The following FGFR2 variants were observed in gnomAD, a reference collection of about 807,000 sequenced individuals.
FGFR2 encodes the protein fibroblast growth factor receptor 2.
A neutral mutation model predicts 95.9 loss-of-function variants in FGFR2; 19 were observed. The observed-to-expected ratio is 0.20, with a 90% CI of 0.14 to 0.29. The LOEUF (loss-of-function observed/expected upper bound fraction) is 0.29, where lower values mean the gene tolerates loss of function less well. FGFR2 is among the 10% of genes least tolerant of loss of function. FGFR2 has a pLI of 1.00. For missense variants in FGFR2, 707 were observed against 1,056.9 expected (o/e 0.67, Z 4.59); for synonymous variants, 392 against 393.3 (o/e 1.00, Z 0.04).
chr10:121,529,019 C>T lies in FGFR2; in HGVS notation c.749-8850G>A, dbSNP rs1044456941. On this transcript the variant is annotated intron_variant, in intron 6 of 17. Transcript: ENST00000358487. ...TCAGCTCACTGGAACCTCTGCCTCC[C>T]GGGTACAAGCAATTCTCCTGCCTCA... is the stretch of plus-strand genomic sequence containing the variant. Among the ~76,000 whole-genome samples the T allele has an allele frequency of 2.0e-5, 3 of 152,176 alleles. No homozygotes were observed. In the East Asian group the frequency reaches 5.8e-4, roughly 29 times the overall value.
intron 2 of FGFR2, among the ~76,000 whole-genome samples, chr10:121,577,178 T>TATATATATATATATAGAGAGAGAG: frequency 3.8e-4 from 2 of 5,212 alleles, no homozygotes; most frequent in African/African-American, 1.6e-3. Context: ...TATATATATA[T>TATATATATATATATAGAGAGAGAG]AGAGAGAGAG....
intron 7 of FGFR2, 128 bp downstream of exon 7, chr10:121,519,851 A>T: frequency 1.2e-6 from 1 of 833,044 alleles, no homozygotes; most frequent in Non-Finnish European, 2.0e-6. Flanking sequence ...TCCTTAGAAC[A>T]CTCTCTGCTG....
chr10:121,489,843 T>C (rs755716353), intron 13 of FGFR2, among the ~76,000 whole-genome samples: 9 of 152,148 alleles, frequency 5.9e-5, no homozygotes, highest in Non-Finnish European at 1.0e-4. Context: ...CCCCTCCCCC[T>C]GAGACTTCCA....
At chr10:121,586,543 G>A (rs1299542345) in intron 2 of FGFR2, among the ~76,000 whole-genome samples, 1 of 152,158 alleles carries the variant, frequency 6.6e-6, no homozygotes, top group Non-Finnish European at 1.5e-5. Flanking sequence ...AGTCCACAAT[G>A]GCGCAGAATT....
At chr10:121,575,451 A>G (rs1330420634) in intron 2 of FGFR2, among the ~76,000 whole-genome samples, 3 of 152,198 alleles carry the variant, frequency 2.0e-5, no homozygotes, top group Non-Finnish European at 4.4e-5. Context: ...TATTAAAGTC[A>G]TATTTCATGA....
At chr10:121,525,636 AGAG>A in intron 6 of FGFR2, among the ~76,000 whole-genome samples, 1 of 152,200 alleles carries the variant, frequency 6.6e-6, no homozygotes, top group Admixed American at 6.5e-5. Context: ...AGAGAGAGAG[AGAG>A]AGAGAGAGGA....
intron 4 of FGFR2, among the ~76,000 whole-genome samples, chr10:121,562,276 CAG>C (rs778006399): frequency 2.6e-5 from 4 of 151,764 alleles, no homozygotes; most frequent in South Asian, 2.1e-4. Flanking sequence ...TTGGAAGCAA[CAG>C]AGTTTGTTTT....
Position 121,517,535 on chromosome 10 carries a change from C to G in FGFR2, c.940-72G>C. ...GATTGTGGAGGGGGCTGTGGAACCA[C>G]AAGGCGTCGCACCGGGGGCTTCAGG... On this transcript the variant is annotated intron_variant, in intron 7 of 17. Transcript: ENST00000358487. The surrounding 1 kb of genome is among the most constrained non-coding windows in gnomAD (Gnocchi z 4.7). The G allele has an allele frequency of 6.3e-7, 1 of 1,589,464 alleles. No homozygotes were observed. The highest frequency in any genetic ancestry group is 1.7e-5 in the Admixed American group (1 of 59,266).
At position 121,555,217 on chromosome 10, in the gene FGFR2, G is replaced by A. The variant is rs188690913; in HGVS notation, c.455-3758C>T. 3.4e-3 allele frequency among the ~76,000 whole-genome samples: 511 copies of A among 152,156 alleles called. 1 individual carries two copies. The highest frequency in any genetic ancestry group is 0.012 in the African/African-American group (487 of 41,530). On this transcript the variant is annotated intron_variant, in intron 4 of 17. Transcript: ENST00000358487. ...GTGAAACCCCGTCTCCACTAAAAAT[G>A]CAAAAATTAGCTGGACATGGTGACG... is the stretch of plus-strand genomic sequence containing the variant.
chr10:121,549,505 T>C (rs1286254857), intron 5 of FGFR2, among the ~76,000 whole-genome samples: 1 of 152,218 alleles, frequency 6.6e-6, no homozygotes, highest in African/African-American at 2.4e-5. Flanking sequence ...CCTTGTCTCC[T>C]GGCATTCAGG....
intron 5 of FGFR2, among the ~76,000 whole-genome samples, chr10:121,549,123 G>A (rs1337297343): frequency 6.6e-6 from 1 of 152,124 alleles, no homozygotes; most frequent in African/African-American, 2.4e-5. Flanking sequence ...TGCGTTCTTA[G>A]AAACTTACTC....
intron 5 of FGFR2, among the ~76,000 whole-genome samples, chr10:121,541,945 A>C (rs572111443): frequency 9.2e-5 from 14 of 152,320 alleles, no homozygotes; most frequent in African/African-American, 2.9e-4. Flanking sequence ...CAATTACTTC[A>C]AGGCACATGA....
chr10:121,586,839 G>A (rs1246429945), intron 2 of FGFR2, among the ~76,000 whole-genome samples: 1 of 152,186 alleles, frequency 6.6e-6, no homozygotes, highest in Non-Finnish European at 1.5e-5. Context: ...TATTACAGAA[G>A]GAGACATCTT....
chr10:121,492,934 G>A (rs1280595295), intron 13 of FGFR2, among the ~76,000 whole-genome samples: 1 of 152,158 alleles, frequency 6.6e-6, no homozygotes, highest in African/African-American at 2.4e-5. Context: ...TCAGTTTAGA[G>A]AGAGTTAGGG....
At chr10:121,501,752 T>G (rs367735105) in intron 10 of FGFR2, among the ~76,000 whole-genome samples, 7 of 152,212 alleles carry the variant, frequency 4.6e-5, no homozygotes, top group African/African-American at 1.7e-4. Context: ...CACAATAGTT[T>G]GCAAAAGTGC....
chr10:121,502,854 T>G (rs2981458), intron 10 of FGFR2, among the ~76,000 whole-genome samples: 133,946 of 152,086 alleles, frequency 0.88, 60,962 homozygotes, highest in Non-Finnish European at 0.99. Context: ...CTTCCTTTCA[T>G]AAGGAGGATC....
chr10:121,522,889 G>C (rs1019824922), intron 6 of FGFR2, among the ~76,000 whole-genome samples: 3 of 152,214 alleles, frequency 2.0e-5, no homozygotes, highest in Non-Finnish European at 4.4e-5. Context: ...AGCCAGCTCA[G>C]CACACCAAGG....
chr10:121,541,983 G>A (rs896646769), intron 5 of FGFR2, among the ~76,000 whole-genome samples: 1 of 152,128 alleles, frequency 6.6e-6, no homozygotes, highest in African/African-American at 2.4e-5. Context: ...AGCACTGCTT[G>A]TAAGAGCAAA....
Position 121,485,435 on chromosome 10 carries a change from C to A in FGFR2, c.2155G>T (p.Gly719Ter), listed in dbSNP as rs2133795374. The A allele has an allele frequency of 6.2e-7, 1 of 1,614,136 alleles. No homozygotes were observed. Among genetic ancestry groups the A allele is most frequent in the Non-Finnish European group, 8.5e-7 (1 of 1,180,028 alleles). ...VEELFKLLKEGHRMDKPANCT... is the reference protein window; with the variant it reads ...VEELFKLLKE The stretch of plus-strand genomic sequence containing the variant: ...TTGGCTGGCTTATCCATTCTGTGTC[C>A]TTCCTTCAGCAGCTTAAAAAGTTCC... Residue 719 changes from glycine (G) to a stop codon, truncating the protein, a stop_gained, in exon 16 of 18, where the codon GGA becomes TGA. Coordinates refer to ENST00000358487, the MANE Select transcript of FGFR2 (RefSeq NM_000141.5). LOFTEE classifies it high-confidence loss of function. The surrounding 1 kb of genome is among the most constrained non-coding windows in gnomAD (Gnocchi z 4.2).
Sources: gnomAD v4.1 joint callset for allele counts (sites outside exome capture counted in the v4.1 genomes callset) on GRCh38, gnomAD v4.1.1 for gene constraint, Gnocchi (gnomAD v3.1) non-coding constraint, MANE v1.5 for transcripts, NCBI Gene and HGNC (gene_info 2026-07-23, HGNC 2026-07-21) for gene names.